Variants in MYBPC1 observed in about 807,000 individuals in gnomAD.
MYBPC1 encodes the protein myosin-binding protein C, slow-type.
A neutral mutation model predicts 147.1 loss-of-function variants in MYBPC1; 52 were observed. The ratio of observed to expected loss-of-function variants is 0.35; its 90% CI spans 0.28 to 0.45. The LOEUF is 0.45. Ranked by LOEUF, MYBPC1 falls within the 20% of genes least tolerant of loss-of-function variation. The pLI, the probability that MYBPC1 is intolerant of heterozygous loss-of-function variation, is 1.00. For missense variants in MYBPC1, 1,228 were observed against 1,440.3 expected, an observed-to-expected ratio of 0.85 and a Z score of 2.39; for synonymous variants, 477 against 475.9, an observed-to-expected ratio of 1.00 and a Z score of -0.03.
chr12:101,634,442 C>A (rs1241355978), intron 8 of MYBPC1, 112 bp from the exon 9 acceptor site: 3 of 862,830 alleles, frequency 3.5e-6, no homozygotes, highest in Admixed American at 3.9e-5. Context: ...AAAAGCCTCC[C>A]CCCTTCACCT....
intron 5 of MYBPC1, 128 bp from the exon 6 acceptor site, chr12:101,629,306 T>C: frequency 2.8e-6 from 2 of 715,886 alleles, no homozygotes; most frequent in South Asian, 3.0e-5. Flanking sequence ...GAAAGAATGA[T>C]GTTGTATTTA....
Position 101,685,819 on chromosome 12 carries a change from A to G in MYBPC1, c.*257A>G, listed in dbSNP as rs1379007207. On this transcript the variant is annotated 3_prime_UTR_variant, in exon 32 of 32. Coordinates refer to ENST00000361466, the MANE Select transcript of MYBPC1 (RefSeq NM_002465.4). Reference sequence around the variant, plus strand: ...CCTCCTAATGTTGAAGAGAAAAAAAAAAAAAAAAGTTTGCCCAGATTGCTT... The same window carrying G: ...CCTCCTAATGTTGAAGAGAAAAAAAGAAAAAAAAGTTTGCCCAGATTGCTT... The G allele has an allele frequency of 6.7e-5, 43 of 638,812 alleles. 1 individual carries two copies. The Admixed American group carries it at 1.5e-3, about 22-fold the overall frequency. 39.6% of individuals were successfully genotyped at this position (638,812 alleles called of 1,614,324 possible). A position where few individuals can be genotyped will look rare whatever the true frequency, so the allele number is the denominator to read the frequency against.
At chr12:101,673,345 C>T in intron 24 of MYBPC1, 82 bp from the exon 25 acceptor site, 1 of 1,449,810 alleles carries the variant, frequency 6.9e-7, no homozygotes, top group South Asian at 1.2e-5. Context: ...ATGGGTTAAG[C>T]CACTGTCCTT....
chr12:101,599,322 T>C (rs1189520742), intron 1 of MYBPC1, among the ~76,000 whole-genome samples: 5 of 152,202 alleles, frequency 3.3e-5, no homozygotes, highest in Admixed American at 3.3e-4. Context: ...GTTGTTGTTG[T>C]TGTTGGGGTC....
At chr12:101,607,185 C>T (rs996453392) in intron 1 of MYBPC1, among the ~76,000 whole-genome samples, 1 of 152,074 alleles carries the variant, frequency 6.6e-6, no homozygotes, top group African/African-American at 2.4e-5. Flanking sequence ...CCCATGAAAG[C>T]AATATTTTAT....
At chr12:101,634,754 T>C (rs748993696) in intron 9 of MYBPC1, 149 bp downstream of exon 9, 17 of 703,970 alleles carry the variant, frequency 2.4e-5, no homozygotes, top group Non-Finnish European at 3.2e-5. Flanking sequence ...ATTGGTGTTC[T>C]AGAAAAACCA....
At position 101,684,482 on chromosome 12, in the gene MYBPC1, G is replaced by A. The variant is rs1343489156; in HGVS notation, c.*19+58G>A. 3 of 1,304,552 alleles carry A rather than the reference G, an allele frequency of 2.3e-6. No homozygotes were observed. In the African/African-American group the frequency reaches 4.4e-5, roughly 19 times the overall value. 80.8% of individuals were successfully genotyped at this position (1,304,552 alleles called of 1,614,324 possible). ...TTATGACTGTCATAAGCCATACCAA[G>A]CCTGTGGAGTATGGCATGATTTTCA... On this transcript the variant is annotated intron_variant, in intron 31 of 31. Transcript: ENST00000361466.
intron 1 of MYBPC1, among the ~76,000 whole-genome samples, chr12:101,595,606 G>GT (rs1003157359): frequency 6.6e-5 from 10 of 151,636 alleles, no homozygotes; most frequent in East Asian, 5.8e-4. Flanking sequence ...CAGACGAAGG[G>GT]TTTTTTTTGT....
intron 3 of MYBPC1, among the ~76,000 whole-genome samples, chr12:101,619,028 T>TAAATATACAG (rs1886799037): frequency 6.6e-6 from 1 of 152,088 alleles, no homozygotes; most frequent in African/African-American, 2.4e-5. Context: ...AAGTTTATAA[T>TAAATATACAG]AAATATACAG....
At chr12:101,666,777 A>G in intron 22 of MYBPC1, 2 of 1,613,846 alleles carry the variant, frequency 1.2e-6, no homozygotes. Flanking sequence ...GAAAATGGGG[A>G]GGCTGCCTAT....
chr12:101,595,973 A>G (rs1221542849), intron 1 of MYBPC1, among the ~76,000 whole-genome samples: 1 of 152,064 alleles, frequency 6.6e-6, no homozygotes, highest in Non-Finnish European at 1.5e-5. Flanking sequence ...TAATTAAAAT[A>G]TCTTTTAAAA....
In MYBPC1 at chr12:101,659,777, A is replaced by G. The variant is rs1285398661; in HGVS notation, c.1873A>G (p.Asn625Asp). 1.2e-6 allele frequency: 2 copies of G among 1,614,164 alleles called. No individual in the cohort carries two copies. The highest frequency in any genetic ancestry group is 1.1e-5 in the South Asian group (1 of 91,078). ...AGATGACTCTGGTGTTTACCACATC[A>G]ATCTGAAAAACGAAGCTGGAGAGGC... Reference protein sequence around the residue: ...ERDDSGVYHINLKNEAGEAHA... With the variant: ...ERDDSGVYHIDLKNEAGEAHA... The change falls in exon 19 of 32, where the codon AAT (asparagine) becomes GAT (aspartate). Residue 625 changes from asparagine to aspartate, a missense_variant. Transcript: ENST00000361466.
At position 101,651,413 on chromosome 12, in the gene MYBPC1, C is replaced by A; in HGVS notation, c.1526+20C>A. 1 of 1,613,648 alleles carries A rather than the reference C, an allele frequency of 6.2e-7. No homozygotes were observed. Among genetic ancestry groups the A allele is most frequent in the Non-Finnish European group, 8.5e-7 (1 of 1,179,644 alleles). ...GGGAAGGTAAGCGAGCCAGGTGACCCGCAAGTGAGGTTTGGTCCCATTTCT... is the reference window on the plus strand; with the variant it reads ...GGGAAGGTAAGCGAGCCAGGTGACCAGCAAGTGAGGTTTGGTCCCATTTCT... On this transcript the variant is annotated intron_variant, in intron 16 of 31. Coordinates refer to ENST00000361466, the MANE Select transcript of MYBPC1 (RefSeq NM_002465.4).
chr12:101,685,945 A>G lies in MYBPC1; in HGVS notation c.*383A>G, dbSNP rs1053734891. The G allele has an allele frequency of 8.5e-6, 2 of 234,036 alleles. No individual in the cohort carries two copies. The highest frequency in any genetic ancestry group is 4.6e-5 in the African/African-American group (2 of 43,456). 14.5% of individuals were successfully genotyped at this position (234,036 alleles called of 1,614,324 possible). ...TTTACAAAAATGCAAGTCATAGAAT[A>G]AGCAAAAGCAGTTATTTTTGTTTAC... is the stretch of plus-strand genomic sequence containing the variant. On this transcript the variant is annotated 3_prime_UTR_variant, in exon 32 of 32. Coordinates refer to ENST00000361466, the MANE Select transcript of MYBPC1 (RefSeq NM_002465.4).
intron 10 of MYBPC1, among the ~76,000 whole-genome samples, chr12:101,638,326 A>G (rs1489046831): frequency 6.6e-6 from 1 of 152,230 alleles, no homozygotes; most frequent in Non-Finnish European, 1.5e-5. Flanking sequence ...AAGGATAGAT[A>G]CACTTTTGTG....
intron 4 of MYBPC1, among the ~76,000 whole-genome samples, chr12:101,627,145 T>A (rs1342013033): frequency 6.6e-6 from 1 of 152,216 alleles, no homozygotes; most frequent in Non-Finnish European, 1.5e-5. Flanking sequence ...TGGTAAATCT[T>A]GGGTATAAAT....
intron 1 of MYBPC1, among the ~76,000 whole-genome samples, chr12:101,596,871 A>C (rs1406757626): frequency 6.6e-6 from 1 of 152,204 alleles, no homozygotes; most frequent in Non-Finnish European, 1.5e-5. Flanking sequence ...TCTGTGTAGG[A>C]GTTCCTCCAC....
Position 101,685,811 on chromosome 12 carries a change from G to A in MYBPC1, c.*249G>A, listed in dbSNP as rs202119438. 0.04 allele frequency: 14,134 copies of A among 357,704 alleles called. 39 individuals carry two copies. The highest frequency in any genetic ancestry group is 0.12 in the South Asian group (2,500 of 20,320). 22.2% of individuals were successfully genotyped at this position (357,704 alleles called of 1,614,324 possible). A position where few individuals can be genotyped will look rare whatever the true frequency, so the allele number is the denominator to read the frequency against. ...TTTTCTTTCCTCCTAATGTTGAAGAGAAAAAAAAAAAAAAAAGTTTGCCCA... is the reference window on the plus strand; with the variant it reads ...TTTTCTTTCCTCCTAATGTTGAAGAAAAAAAAAAAAAAAAAAGTTTGCCCA... On this transcript the variant is annotated 3_prime_UTR_variant, in exon 32 of 32. Coordinates refer to ENST00000361466, the MANE Select transcript of MYBPC1 (RefSeq NM_002465.4).
rs780173032 is a variant in MYBPC1 at position 101,677,407 on chromosome 12, T to C, written c.3109+13T>C. On this transcript the variant is annotated intron_variant, in intron 27 of 31. Coordinates refer to ENST00000361466, the MANE Select transcript of MYBPC1 (RefSeq NM_002465.4). ...ATCGCCAGGGATGGTGAGTTGGGAA[T>C]GGACTGACATTTGAAAACCTTGGTT... is the stretch of plus-strand genomic sequence containing the variant. 7.4e-6 allele frequency: 12 copies of C among 1,613,736 alleles called. No individual in the cohort carries two copies. In the Admixed American group the frequency reaches 1.0e-4, roughly 13 times the overall value.
Sources: gnomAD v4.1 joint callset for allele counts (sites outside exome capture counted in the v4.1 genomes callset) on GRCh38, gnomAD v4.1.1 for gene constraint, MANE v1.5 for transcripts, NCBI Gene and HGNC (gene_info 2026-07-23, HGNC 2026-07-21) for gene names.